GDI2: variants seen among roughly 807,000 people sequenced by gnomAD.
The protein encoded by GDI2 is rab GDP dissociation inhibitor beta.
A neutral mutation model predicts 54.2 loss-of-function variants in GDI2; 22 were observed. That is an observed-to-expected ratio of 0.41 (90% CI 0.29 to 0.58). The LOEUF is 0.58. Ranked by LOEUF, GDI2 falls within the 20% of genes least tolerant of loss-of-function variation. GDI2 has a pLI of 0.35. For synonymous variants in GDI2, 177 were observed against 182.1 expected, an observed-to-expected ratio of 0.97 and a Z score of 0.23; for missense variants, 422 against 546.0, an observed-to-expected ratio of 0.77 and a Z score of 2.26.
At chr10:5,771,877 G>T (rs1211391454) in intron 7 of GDI2, among the ~76,000 whole-genome samples, 7 of 152,242 alleles carry the variant, frequency 4.6e-5, no homozygotes, top group Non-Finnish European at 2.9e-5. Context: ...AGATCACGAG[G>T]TCAAGAAACC....
Position 5,813,181 on chromosome 10 carries a change from GCTCAGCCCCGGCCC to G in GDI2, c.45+19_45+32del, listed in dbSNP as rs1841513370. ...AGCCGGGGGTGCGCCCGCCCCGGCTGCTCAGCCCCGGCCCCTCAGCCCTGGCGCCCACCGTCAGG... is the reference window on the plus strand; with the variant it reads ...AGCCGGGGGTGCGCCCGCCCCGGCTGCTCAGCCCTGGCGCCCACCGTCAGG... On this transcript the variant is annotated intron_variant, in intron 1 of 10. Coordinates refer to ENST00000380191, the MANE Select transcript of GDI2 (RefSeq NM_001494.4). 4 of 1,448,964 alleles carry G rather than the reference GCTCAGCCCCGGCCC, an allele frequency of 2.8e-6. No individual in the cohort carries two copies. Among genetic ancestry groups the G allele is most frequent in the Non-Finnish European group, 1.9e-6 (2 of 1,067,436 alleles). The allele number at this position is 1,448,964 out of a possible 1,614,324, so 89.8% of individuals were successfully genotyped here.
chr10:5,804,932 C>G (rs1049894345), intron 1 of GDI2, among the ~76,000 whole-genome samples: 3 of 151,664 alleles, frequency 2.0e-5, no homozygotes, highest in Non-Finnish European at 4.4e-5. Flanking sequence ...CTCCTGGGTT[C>G]AAGCGATTCT....
At chr10:5,783,996 C>T (rs972147476) in intron 6 of GDI2, among the ~76,000 whole-genome samples, 7 of 152,206 alleles carry the variant, frequency 4.6e-5, no homozygotes, top group South Asian at 2.1e-4. Context: ...CTAGCAAGGC[C>T]GGGGAAGTTT....
chr10:5,770,962 T>TAAA (rs1840475356), intron 7 of GDI2, among the ~76,000 whole-genome samples: 1 of 25,828 alleles, frequency 3.9e-5, no homozygotes, highest in Admixed American at 5.8e-4. Context: ...TGAGACTGTC[T>TAAA]CAAAAAAAAA....
Position 5,766,165 on chromosome 10 carries a change from A to G in GDI2, c.1192-13T>C. The G allele has an allele frequency of 6.2e-7, 1 of 1,613,646 alleles. No homozygotes were observed. The highest frequency in any genetic ancestry group is 1.1e-5 in the South Asian group (1 of 91,056). ...GGGAAATAAAGATCTGAAAACAAAA[A>G]TTACGAAGACTTAAGACCATGGAGG... is the stretch of plus-strand genomic sequence containing the variant. On this transcript the variant is annotated splice_polypyrimidine_tract_variant and intron_variant, in intron 10 of 10. Coordinates refer to ENST00000380191, the MANE Select transcript of GDI2 (RefSeq NM_001494.4). This position sits in a 1 kb window ranked among gnomAD's most constrained non-coding sequence, Gnocchi z 5.8.
chr10:5,811,754 T>C, intron 1 of GDI2: 1 of 300,160 alleles, frequency 3.3e-6, no homozygotes, highest in South Asian at 2.8e-5. Context: ...AGACACAGGA[T>C]TATTCCTGGA....
rs137966609 is a variant in GDI2 at position 5,770,599 on chromosome 10, G to C, written c.820-2215C>G. On this transcript the variant is annotated intron_variant, in intron 7 of 10. Coordinates refer to ENST00000380191, the MANE Select transcript of GDI2 (RefSeq NM_001494.4). ...GAGGAAAAGTGTTATGGAGATGAAT[G>C]GTGGTTGTGGTGGTTGTATAATGAT... Among the ~76,000 whole-genome samples the C allele has an allele frequency of 3.3e-3, 502 of 151,748 alleles. 5 individuals carry two copies. The highest frequency in any genetic ancestry group is 0.011 in the African/African-American group (475 of 41,380).
rs1444241152 is a variant in GDI2 at position 5,774,494 on chromosome 10, C to T, written c.720-553G>A. 6.6e-6 allele frequency among the ~76,000 whole-genome samples: 1 copy of T among 152,146 alleles called. No individual in the cohort carries two copies. The highest frequency in any genetic ancestry group is 1.5e-5 in the Non-Finnish European group (1 of 68,024). ...CTCATTTTCTTTGGCTGGAGGCGTT[C>T]AACCCCCATACACGGTTTTCTTCTC... On this transcript the variant is annotated intron_variant, in intron 6 of 10. Coordinates refer to ENST00000380191, the MANE Select transcript of GDI2 (RefSeq NM_001494.4). This position sits in a 1 kb window ranked among gnomAD's most constrained non-coding sequence, Gnocchi z 4.8.
intron 7 of GDI2, among the ~76,000 whole-genome samples, chr10:5,769,856 T>A (rs1352867474): frequency 6.6e-6 from 1 of 152,252 alleles, no homozygotes; most frequent in Non-Finnish European, 1.5e-5. Context: ...AATTACCATA[T>A]GATCTAGCAA....
At chr10:5,771,870 T>C (rs1277385137) in intron 7 of GDI2, among the ~76,000 whole-genome samples, 1 of 152,126 alleles carries the variant, frequency 6.6e-6, no homozygotes, top group East Asian at 1.9e-4. Flanking sequence ...GGCAGGCAGA[T>C]CACGAGGTCA....
intron 7 of GDI2, among the ~76,000 whole-genome samples, chr10:5,773,219 T>C (rs767050385): frequency 8.5e-5 from 13 of 152,124 alleles, no homozygotes; most frequent in Admixed American, 6.6e-4. Flanking sequence ...AAGATAAAGC[T>C]TAGATTTTTA....
chr10:5,773,815 A>T (rs1398916103), intron 7 of GDI2, 27 bp downstream of exon 7: 14 of 956,600 alleles, frequency 1.5e-5, no homozygotes, highest in Middle Eastern at 4.2e-4. Flanking sequence ...GAACATAGTA[A>T]TTTTTTTCAT....
At chr10:5,792,976 A>T (rs1189195319) in intron 4 of GDI2, among the ~76,000 whole-genome samples, 2 of 151,678 alleles carry the variant, frequency 1.3e-5, no homozygotes, top group Non-Finnish European at 2.9e-5. Flanking sequence ...AAAAAAAAAA[A>T]AAATTCTATT....
In GDI2 at chr10:5,776,166, T is replaced by C; in HGVS notation, c.720-2225A>G. The C allele has an allele frequency of 3.2e-6, 1 of 308,948 alleles. No homozygotes were observed. Among genetic ancestry groups the C allele is most frequent in the Non-Finnish European group, 6.4e-6 (1 of 155,256 alleles). 19.1% of individuals were successfully genotyped at this position (308,948 alleles called of 1,614,324 possible). On this transcript the variant is annotated intron_variant, in intron 6 of 10. Transcript: ENST00000380191. The surrounding 1 kb of genome is among the most constrained non-coding windows in gnomAD (Gnocchi z 5.3). ...CTTGTCACAAAAAGGCTGCGGCATA[T>C]CCTTCAGAAGCCGTGAAGCTGACAG...
At chr10:5,796,687 A>AC in intron 3 of GDI2, 76 bp downstream of exon 3, 1 of 788,100 alleles carries the variant, frequency 1.3e-6, no homozygotes, top group Non-Finnish European at 2.3e-6. Flanking sequence ...CCAGAATAGT[A>AC]CTCTGTCAAA....
chr10:5,785,942 G>A lies in GDI2; in HGVS notation c.497C>T (p.Thr166Ile). Residue 166 changes from threonine (T) to isoleucine (I), a missense_variant, in exon 5 of 11, where the codon ACC (threonine) becomes ATC (isoleucine). Physicochemically the swap from Thr to Ile is moderately conservative, Grantham distance 89. Coordinates refer to ENST00000380191, the MANE Select transcript of GDI2 (RefSeq NM_001494.4). ...RTFEGIDPKK[T>I]TMRDVYKKFD... is the part of the protein sequence containing the mutation. ...TTTCTTATACACATCTCGCATTGTGGTCTTCTTAGGATCAATGCCTTCAAA... is the reference window on the plus strand; with the variant it reads ...TTTCTTATACACATCTCGCATTGTGATCTTCTTAGGATCAATGCCTTCAAA... 2 of 1,609,512 alleles carry A rather than the reference G, an allele frequency of 1.2e-6. No individual in the cohort carries two copies. The highest frequency in any genetic ancestry group is 8.5e-7 in the Non-Finnish European group (1 of 1,175,844).
At position 5,776,822 on chromosome 10, in the gene GDI2, A is replaced by C; in HGVS notation, c.720-2881T>G. On this transcript the variant is annotated intron_variant, in intron 6 of 10. Coordinates refer to ENST00000380191, the MANE Select transcript of GDI2 (RefSeq NM_001494.4). This position sits in a 1 kb window ranked among gnomAD's most constrained non-coding sequence, Gnocchi z 5.3. ...TTTTCCATCTCCAGAACTTCCCCTT[A>C]TGGAGCTGAGGATATTCTGAAAGGA... The C allele has an allele frequency of 6.9e-7, 1 of 1,441,292 alleles. No individual in the cohort carries two copies. Among genetic ancestry groups the C allele is most frequent in the Non-Finnish European group, 9.6e-7 (1 of 1,042,342 alleles). 89.3% of individuals were successfully genotyped at this position (1,441,292 alleles called of 1,614,324 possible).
In GDI2 at chr10:5,811,064, T is replaced by C. The variant is rs911347787; in HGVS notation, c.45+2150A>G. Among the ~76,000 whole-genome samples the C allele has an allele frequency of 8.5e-5, 13 of 152,330 alleles. 1 individual carries two copies. Among genetic ancestry groups the C allele is most frequent in the Admixed American group, 2.6e-4 (4 of 15,300 alleles). ...TTAACTCCAGACATTCAAAAGTTAA[T>C]TCTGAGTGCTAACTTTGGTTTTCTC... On this transcript the variant is annotated intron_variant, in intron 1 of 10. Coordinates refer to ENST00000380191, the MANE Select transcript of GDI2 (RefSeq NM_001494.4).
chr10:5,811,127 TAAA>T (rs1841473155), intron 1 of GDI2, among the ~76,000 whole-genome samples: 1 of 152,190 alleles, frequency 6.6e-6, no homozygotes. Context: ...CTGGTAACAC[TAAA>T]AATAAGGATA....
Sources: gnomAD v4.1 joint callset for allele counts (sites outside exome capture counted in the v4.1 genomes callset) on GRCh38, gnomAD v4.1.1 for gene constraint, Gnocchi (gnomAD v3.1) non-coding constraint, MANE v1.5 for transcripts, NCBI Gene and HGNC (gene_info 2026-07-23, HGNC 2026-07-21) for gene names.